The following FAF1 variants were observed in gnomAD, a reference collection of about 807,000 sequenced individuals.
FAF1 encodes Fas associated factor 1, also known as FAS-associated factor 1.
FAF1 carries 25 observed loss-of-function variants against 92.5 expected under a neutral mutation model. The observed-to-expected ratio is 0.27, with a 90% confidence interval of 0.20 to 0.38. The LOEUF (loss-of-function observed/expected upper bound fraction) is 0.38, where lower values mean the gene tolerates loss of function less well. FAF1 is among the 10% of genes least tolerant of loss of function. The pLI is 1.00. For synonymous variants in FAF1, 234 were observed against 273.2 expected, an observed-to-expected ratio of 0.86 and a Z score of 1.42; for missense variants, 636 against 793.3, an observed-to-expected ratio of 0.80 and a Z score of 2.38.
intron 7 of FAF1, among the ~76,000 whole-genome samples, chr1:50,674,964 A>C (rs12091972): frequency 0.12 from 18,279 of 151,538 alleles, 1,361 homozygotes; most frequent in African/African-American, 0.22. Flanking sequence ...GATCTTGGCT[A>C]ACTGCAACCT....
chr1:50,799,415 G>A (rs1414463666), intron 3 of FAF1, among the ~76,000 whole-genome samples: 1 of 151,900 alleles, frequency 6.6e-6, no homozygotes, highest in Non-Finnish European at 1.5e-5. Flanking sequence ...GGAGTTTATG[G>A]TTACATTAAA....
At chr1:50,604,372 T>A (rs1173695482) in intron 8 of FAF1, among the ~76,000 whole-genome samples, 1 of 152,224 alleles carries the variant, frequency 6.6e-6, no homozygotes, top group Admixed American at 6.5e-5. Flanking sequence ...CCTCACAAGA[T>A]AAGGGTCTAA....
At chr1:50,949,205 A>AC (rs1645195237) in intron 1 of FAF1, among the ~76,000 whole-genome samples, 3 of 152,218 alleles carry the variant, frequency 2.0e-5, no homozygotes, top group African/African-American at 2.4e-5. Context: ...CCTACACCAG[A>AC]CCCACTGAGT....
chr1:50,804,475 G>A (rs1282713583), intron 2 of FAF1, among the ~76,000 whole-genome samples: 1 of 152,110 alleles, frequency 6.6e-6, no homozygotes, highest in African/African-American at 2.4e-5. Flanking sequence ...CTGGGAAAGT[G>A]TTACAGAGGA....
At chr1:50,536,615 G>C (rs565377903) in intron 14 of FAF1, among the ~76,000 whole-genome samples, 1 of 152,240 alleles carries the variant, frequency 6.6e-6, no homozygotes, top group South Asian at 2.1e-4. Flanking sequence ...GTTCACATCA[G>C]TACTACTCAC....
intron 7 of FAF1, among the ~76,000 whole-genome samples, chr1:50,661,835 A>G (rs1370811154): frequency 1.3e-5 from 2 of 152,092 alleles, no homozygotes; most frequent in South Asian, 2.1e-4. Flanking sequence ...TTCTGAACAC[A>G]TACTTCATAC....
intron 17 of FAF1, among the ~76,000 whole-genome samples, chr1:50,486,037 A>C (rs545273055): frequency 1.1e-4 from 16 of 152,328 alleles, no homozygotes; most frequent in African/African-American, 3.8e-4. Context: ...GTGGGGACAC[A>C]GAGTCAAACC....
intron 2 of FAF1, among the ~76,000 whole-genome samples, chr1:50,837,432 C>T (rs906437751): frequency 2.0e-5 from 3 of 152,154 alleles, no homozygotes; most frequent in Admixed American, 6.5e-5. Flanking sequence ...CCTCCAATTT[C>T]GACGTGCCTG....
chr1:50,855,799 C>T (rs1431094537), intron 2 of FAF1, among the ~76,000 whole-genome samples: 3 of 151,750 alleles, frequency 2.0e-5, no homozygotes, highest in Non-Finnish European at 4.4e-5. Flanking sequence ...AGGAGATAGA[C>T]ATATCTCAAA....
intron 6 of FAF1, among the ~76,000 whole-genome samples, chr1:50,716,852 G>A (rs761105673): frequency 1.3e-5 from 2 of 152,134 alleles, no homozygotes; most frequent in Non-Finnish European, 2.9e-5. Flanking sequence ...CAGCAGTGGC[G>A]ACCCACTCGG....
chr1:50,751,025 T>C (rs1293379392), intron 4 of FAF1, among the ~76,000 whole-genome samples: 1 of 150,364 alleles, frequency 6.7e-6, no homozygotes, highest in Non-Finnish European at 1.5e-5. Flanking sequence ...TGCTTTTTCT[T>C]ATTTACTATA....
intron 7 of FAF1, among the ~76,000 whole-genome samples, chr1:50,701,208 A>G (rs1657460082): frequency 6.6e-6 from 1 of 152,104 alleles, no homozygotes; most frequent in Non-Finnish European, 1.5e-5. Context: ...TGTTAATTAA[A>G]TTGGTTCATT....
intron 12 of FAF1, among the ~76,000 whole-genome samples, chr1:50,580,769 C>T (rs549699762): frequency 3.3e-5 from 5 of 152,168 alleles, no homozygotes; most frequent in Middle Eastern, 3.4e-3. Context: ...CTTTGCTTTT[C>T]GGTATTTTCT....
chr1:50,757,942 T>C (rs916851043), intron 4 of FAF1, among the ~76,000 whole-genome samples: 1 of 152,094 alleles, frequency 6.6e-6, no homozygotes, highest in African/African-American at 2.4e-5. Flanking sequence ...TTTTTTAATG[T>C]AGTCTCACTC....
At chr1:50,490,544 T>TACAGTGGAAAC (rs988919749) in intron 17 of FAF1, 44 bp downstream of exon 17, 3 of 1,305,434 alleles carry the variant, frequency 2.3e-6, no homozygotes, top group African/African-American at 2.9e-5. Context: ...CAGTATCAAA[T>TACAGTGGAAAC]ACAACCCAGC....
At chr1:50,926,188 G>A (rs1246270540) in intron 1 of FAF1, among the ~76,000 whole-genome samples, 1 of 152,094 alleles carries the variant, frequency 6.6e-6, no homozygotes, top group African/African-American at 2.4e-5. Context: ...CTGCACTCCA[G>A]CCTGGGCAAC....
chr1:50,918,190 A>AT (rs1644935091), intron 1 of FAF1, among the ~76,000 whole-genome samples: 1 of 137,664 alleles, frequency 7.3e-6, no homozygotes, highest in Admixed American at 7.3e-5. Context: ...TTTTTTTTTT[A>AT]ATTTTTTTTT....
At chr1:50,687,506 T>C (rs1488493384) in intron 7 of FAF1, among the ~76,000 whole-genome samples, 2 of 152,062 alleles carry the variant, frequency 1.3e-5, no homozygotes, top group African/African-American at 4.8e-5. Flanking sequence ...TTCCAGCACT[T>C]TGGGAGACTG....
chr1:50,584,595 T>G, intron 10 of FAF1, 90 bp downstream of exon 10: 1 of 1,267,620 alleles, frequency 7.9e-7, no homozygotes, highest in Non-Finnish European at 1.1e-6. Flanking sequence ...TGGAGGTCAG[T>G]AAGAGATGTT....
Sources: gnomAD v4.1 joint callset for allele counts (sites outside exome capture counted in the v4.1 genomes callset) on GRCh38, gnomAD v4.1.1 for gene constraint, MANE v1.5 for transcripts, NCBI Gene and HGNC (gene_info 2026-07-23, HGNC 2026-07-21) for gene names.